Variants in RPS6KA2 observed in about 807,000 individuals in gnomAD.
RPS6KA2 encodes ribosomal protein S6 kinase A2.
RPS6KA2 carries 42 observed loss-of-function variants against 91.8 expected under a neutral mutation model. That is an observed-to-expected ratio of 0.46 (90% CI 0.36 to 0.59). The LOEUF (loss-of-function observed/expected upper bound fraction) is 0.59. Ranked by LOEUF, RPS6KA2 falls within the 20% of genes least tolerant of loss-of-function variation. The probability of loss-of-function intolerance (pLI) is 0.00; values close to 1 mark genes in which losing one functional copy is unlikely to be tolerated. For missense variants in RPS6KA2, 798 were observed against 978.5 expected, an observed-to-expected ratio of 0.82 and a Z score of 2.46; for synonymous variants, 414 against 393.6, an observed-to-expected ratio of 1.05 and a Z score of -0.61.
chr6:166,854,802 A>G (rs1780844456), intron 2 of RPS6KA2, among the ~76,000 whole-genome samples: 1 of 152,234 alleles, frequency 6.6e-6, no homozygotes, highest in Admixed American at 6.5e-5. Flanking sequence ...TCAGAAAACT[A>G]AAAACAGAAC....
rs183769965 is a variant in RPS6KA2 at position 166,433,471 on chromosome 6, C to T, written c.1333-981G>A. On this transcript the variant is annotated intron_variant, in intron 14 of 20. Coordinates refer to ENST00000265678, the MANE Select transcript of RPS6KA2 (RefSeq NM_021135.6). This position sits in a 1 kb window ranked among gnomAD's most constrained non-coding sequence, Gnocchi z 4.4. ...GGAGGTGCCTAAGTCCCGCCCTTGCCGCCCCTGCTGTGGGGACGGGACCAG... is the reference window on the plus strand; with the variant it reads ...GGAGGTGCCTAAGTCCCGCCCTTGCTGCCCCTGCTGTGGGGACGGGACCAG... Among the ~76,000 whole-genome samples the T allele has an allele frequency of 1.1e-4, 16 of 152,280 alleles. No homozygotes were observed. The highest frequency in any genetic ancestry group is 1.9e-4 in the Non-Finnish European group (13 of 68,012).
chr6:166,730,625 CT>C (rs1302490121), intron 2 of RPS6KA2, among the ~76,000 whole-genome samples: 2 of 152,146 alleles, frequency 1.3e-5, no homozygotes, highest in Non-Finnish European at 2.9e-5. Context: ...TCATTCACAG[CT>C]TTTATTCTAA....
In RPS6KA2 at chr6:166,418,035, C is replaced by T. The variant is rs1778597499; in HGVS notation, c.1938+190G>A. On this transcript the variant is annotated intron_variant, in intron 19 of 20. Transcript: ENST00000265678. The surrounding 1 kb of genome is among the most constrained non-coding windows in gnomAD (Gnocchi z 4.9). ...CCCAGGAGGCAGAGGCTGCAGTGAG[C>T]CAAGATTGTGCCACTGCACTCCAGC... is the stretch of plus-strand genomic sequence containing the variant. Among the ~76,000 whole-genome samples the T allele has an allele frequency of 6.6e-6, 1 of 151,788 alleles. No homozygotes were observed. Among genetic ancestry groups the T allele is most frequent in the African/African-American group, 2.4e-5 (1 of 41,284 alleles).
At chr6:166,656,558 G>C (rs1307506045) in intron 2 of RPS6KA2, among the ~76,000 whole-genome samples, 2 of 152,264 alleles carry the variant, frequency 1.3e-5, no homozygotes, top group African/African-American at 4.8e-5. Context: ...GGCCCGGCAG[G>C]TGCTCCCGTG....
At chr6:166,784,464 G>A (rs986156004) in intron 2 of RPS6KA2, among the ~76,000 whole-genome samples, 12 of 340 alleles carry the variant, frequency 0.035, 2 homozygotes, top group South Asian at 0.25. Context: ...AACCACATAT[G>A]CACACGTGCA....
At chr6:166,765,572 G>A (rs1778289397) in intron 2 of RPS6KA2, among the ~76,000 whole-genome samples, 1 of 152,214 alleles carries the variant, frequency 6.6e-6, no homozygotes, top group South Asian at 2.1e-4. Context: ...GATTATAAAG[G>A]ATAACCATCA....
At chr6:166,444,964 G>A (rs761563632) in intron 14 of RPS6KA2, among the ~76,000 whole-genome samples, 14 of 152,144 alleles carry the variant, frequency 9.2e-5, no homozygotes, top group African/African-American at 3.1e-4. Flanking sequence ...CAATCTTGTC[G>A]TTTGATTTAC....
In RPS6KA2 at chr6:166,418,490, G is replaced by A. The variant is rs962265303; in HGVS notation, c.1821-148C>T. On this transcript the variant is annotated intron_variant, in intron 18 of 20. Transcript: ENST00000265678. The surrounding 1 kb of genome is among the most constrained non-coding windows in gnomAD (Gnocchi z 4.9). ...CTGAAGCCAGGATTCATGGGAAAGC[G>A]GAACTTACCTCTAACACTATGCCCG... 1.0e-5 allele frequency: 7 copies of A among 675,696 alleles called. No homozygotes were observed. The highest frequency in any genetic ancestry group is 3.7e-5 in the African/African-American group (2 of 54,608). 41.9% of individuals were successfully genotyped at this position (675,696 alleles called of 1,614,324 possible). A position where few individuals can be genotyped will look rare whatever the true frequency, so the allele number is the denominator to read the frequency against.
Position 166,465,691 on chromosome 6 carries a change from A to G in RPS6KA2, c.972+4150T>C, listed in dbSNP as rs567739469. Among the ~76,000 whole-genome samples the G allele has an allele frequency of 1.7e-3, 251 of 152,032 alleles. 1 individual carries two copies. Among genetic ancestry groups the G allele is most frequent in the African/African-American group, 5.9e-3 (246 of 41,454 alleles). The stretch of plus-strand genomic sequence containing the variant: ...TTCCACTCGCCCTCTTTCAGGCATC[A>G]TTTCTCTCTCTTTCTGCTGGCCACT... On this transcript the variant is annotated intron_variant, in intron 11 of 20. Transcript: ENST00000265678.
At chr6:166,656,587 G>T (rs1000580527) in intron 2 of RPS6KA2, among the ~76,000 whole-genome samples, 1 of 152,258 alleles carries the variant, frequency 6.6e-6, no homozygotes, top group Non-Finnish European at 1.5e-5. Context: ...TCCGCCTCCA[G>T]CCCTGGTCTC....
At position 166,648,523 on chromosome 6, in the gene RPS6KA2, G is replaced by A. The variant is rs1787746193; in HGVS notation, c.124-109739C>T. On this transcript the variant is annotated intron_variant, in intron 2 of 21. Coordinates refer to the RPS6KA2 transcript ENST00000503859. The surrounding 1 kb of genome is among the most constrained non-coding windows in gnomAD (Gnocchi z 4.8). ...AGGCAGCTGGCACGGGAAGGGGACG[G>A]GCATTTAATAAATGTTTCTGGATTG... Among the ~76,000 whole-genome samples the A allele has an allele frequency of 6.6e-6, 1 of 152,130 alleles. No individual in the cohort carries two copies. Among genetic ancestry groups the A allele is most frequent in the South Asian group, 2.1e-4 (1 of 4,830 alleles).
At chr6:166,598,346 T>C (rs529223768) in intron 1 of RPS6KA2, among the ~76,000 whole-genome samples, 11 of 152,350 alleles carry the variant, frequency 7.2e-5, no homozygotes, top group Admixed American at 5.9e-4. Context: ...CAGACCACGC[T>C]TTTATTTTCT....
In RPS6KA2 at chr6:166,419,538, G is replaced by A. The variant is rs148643358; in HGVS notation, c.1820+344C>T. Among the ~76,000 whole-genome samples, 137 of 152,308 alleles carry A rather than the reference G, an allele frequency of 9.0e-4. 2 individuals carry two copies. Among genetic ancestry groups the A allele is most frequent in the East Asian group, 5.2e-3 (27 of 5,184 alleles). ...ACCCTGAAGCTGCTATGGGGCTTTCGGTTTAAGAGGATGTCTGGAAGGCAC... is the reference window on the plus strand; with the variant it reads ...ACCCTGAAGCTGCTATGGGGCTTTCAGTTTAAGAGGATGTCTGGAAGGCAC... On this transcript the variant is annotated intron_variant, in intron 18 of 20. Coordinates refer to ENST00000265678, the MANE Select transcript of RPS6KA2 (RefSeq NM_021135.6). The surrounding 1 kb of genome is among the most constrained non-coding windows in gnomAD (Gnocchi z 5.6).
chr6:166,772,219 C>T (rs1205437722), intron 2 of RPS6KA2, among the ~76,000 whole-genome samples: 1 of 152,166 alleles, frequency 6.6e-6, no homozygotes, highest in Non-Finnish European at 1.5e-5. Context: ...GACACTAGTT[C>T]CATGGAGTCC....
intron 3 of RPS6KA2, among the ~76,000 whole-genome samples, chr6:166,519,106 T>C (rs1320500175): frequency 6.6e-6 from 1 of 152,234 alleles, no homozygotes; most frequent in Non-Finnish European, 1.5e-5. Flanking sequence ...GCTGAGTACG[T>C]TCAAGCCGCC....
intron 1 of RPS6KA2, among the ~76,000 whole-genome samples, chr6:166,624,487 C>T (rs1786758693): frequency 6.6e-6 from 1 of 152,154 alleles, no homozygotes; most frequent in Admixed American, 6.5e-5. Flanking sequence ...GAACAGGCAG[C>T]CTTCTCAAGT....
chr6:166,843,478 A>C (rs1346724069), intron 2 of RPS6KA2, among the ~76,000 whole-genome samples: 4 of 152,194 alleles, frequency 2.6e-5, no homozygotes, highest in African/African-American at 9.7e-5. Flanking sequence ...AAACCAGTGC[A>C]CTGAACAAAA....
chr6:166,532,245 C>T (rs1161439102), intron 2 of RPS6KA2, among the ~76,000 whole-genome samples: 1 of 152,196 alleles, frequency 6.6e-6, no homozygotes, highest in Non-Finnish European at 1.5e-5. Flanking sequence ...AAGTGAGCAT[C>T]CGTGTGGAGC....
chr6:166,827,886 C>T (rs114329476), intron 2 of RPS6KA2, among the ~76,000 whole-genome samples: 309 of 152,282 alleles, frequency 2.0e-3, no homozygotes, highest in African/African-American at 6.3e-3. Context: ...TACCCTTAAT[C>T]GGGTTTTTAG....
Sources: allele counts gnomAD v4.1 joint callset (sites outside exome capture counted in the v4.1 genomes callset), GRCh38; gene constraint gnomAD v4.1.1; non-coding constraint Gnocchi (gnomAD v3.1); transcripts MANE v1.5; gene names NCBI Gene and HGNC (gene_info 2026-07-23, HGNC 2026-07-21).